The following GLIS3 variants were observed in gnomAD, a reference collection of about 807,000 sequenced individuals.
GLIS3 encodes the protein zinc finger protein GLIS3.
GLIS3 carries 53 observed loss-of-function variants against 78.6 expected under a neutral mutation model. That is an observed-to-expected ratio of 0.67 (90% CI 0.54 to 0.85). The LOEUF (loss-of-function observed/expected upper bound fraction) is 0.85. GLIS3 is among the 40% of genes least tolerant of loss of function. GLIS3 has a pLI of 0.00. For missense variants in GLIS3, 1,703 were observed against 1,231.1 expected (o/e 1.38, Z -5.74); for synonymous variants, 684 against 509.9 (o/e 1.34, Z -4.60).
rs1411887464 is a variant in GLIS3, at chr9:4,257,596, C to T, written c.388+28442G>A. Among the ~76,000 whole-genome samples, 12 of 35,838 alleles carry T rather than the reference C, an allele frequency of 3.3e-4. No homozygotes were observed. The East Asian group carries it at 0.013, about 38-fold the overall frequency. The allele number at this position is 35,838 out of a possible 152,430, so 23.5% of individuals were successfully genotyped here. The stretch of plus-strand genomic sequence containing the variant: ...TTGTTGTTGTTGTTATTTTTTGAGA[C>T]GGAGTCTCGCTCTGTCGCCCAGGTT... On this transcript the variant is annotated intron_variant, in intron 2 of 10. Coordinates refer to ENST00000381971, the MANE Select transcript of GLIS3 (RefSeq NM_001042413.2).
the GLIS3 span, among the ~76,000 whole-genome samples, chr9:4,372,146 G>A: frequency 6.6e-6 from 1 of 152,162 alleles, no homozygotes; most frequent in African/African-American, 2.4e-5. Context: ...GAGGCAGGAG[G>A]AATTAGTCTA....
chr9:3,954,671 TTTTTCC>T (rs1415696685), intron 4 of GLIS3, among the ~76,000 whole-genome samples: 1 of 152,184 alleles, frequency 6.6e-6, no homozygotes, highest in African/African-American at 2.4e-5. Flanking sequence ...CTCTCTCAGC[TTTTTCC>T]AATTAGGCCC....
the GLIS3 span, among the ~76,000 whole-genome samples, chr9:4,403,492 A>G: frequency 3.9e-5 from 6 of 152,210 alleles, no homozygotes; most frequent in Admixed American, 2.6e-4. Flanking sequence ...CTCAAAAATA[A>G]TAACTACAAC....
intron 2 of GLIS3, among the ~76,000 whole-genome samples, chr9:4,228,334 G>C (rs1821960914): frequency 2.0e-5 from 3 of 152,226 alleles, no homozygotes; most frequent in Admixed American, 2.0e-4. Flanking sequence ...GAGGAGTCGG[G>C]GCTGAGCCGG....
intron 4 of GLIS3, among the ~76,000 whole-genome samples, chr9:3,943,916 G>A (rs942417077): frequency 6.6e-6 from 1 of 152,162 alleles, no homozygotes; most frequent in Admixed American, 6.5e-5. Flanking sequence ...AGAGATTCAA[G>A]TTACTGTGTT....
the GLIS3 span, among the ~76,000 whole-genome samples, chr9:4,382,047 G>A: frequency 0.012 from 1,836 of 152,184 alleles, 38 homozygotes; most frequent in African/African-American, 0.042. Flanking sequence ...GCTGGTAGCC[G>A]CTCTCTACAG....
At chr9:4,020,179 C>A (rs558875279) in intron 4 of GLIS3, among the ~76,000 whole-genome samples, 107 of 152,216 alleles carry the variant, frequency 7.0e-4, no homozygotes, top group Non-Finnish European at 1.0e-3. Flanking sequence ...AGGGAACAGC[C>A]CATGCAAGGA....
chr9:4,246,185 C>T (rs994017164), intron 2 of GLIS3, among the ~76,000 whole-genome samples: 1 of 152,186 alleles, frequency 6.6e-6, no homozygotes, highest in Non-Finnish European at 1.5e-5. Flanking sequence ...ATGATGAAAC[C>T]CTGTCTCTAC....
intron 9 of GLIS3, among the ~76,000 whole-genome samples, chr9:3,853,657 G>A (rs4741860): frequency 0.42 from 63,142 of 152,004 alleles, 13,633 homozygotes; most frequent in South Asian, 0.47. Flanking sequence ...TCCATGATTT[G>A]CCCAGAGTCA....
At chr9:4,108,448 T>G (rs1040015479) in intron 4 of GLIS3, among the ~76,000 whole-genome samples, 2 of 152,154 alleles carry the variant, frequency 1.3e-5, no homozygotes, top group African/African-American at 4.8e-5. Flanking sequence ...ACAAATGAGA[T>G]GAAAGACAGA....
intron 2 of GLIS3, among the ~76,000 whole-genome samples, chr9:4,332,582 G>A (rs1817701931): frequency 6.6e-6 from 1 of 152,216 alleles, no homozygotes; most frequent in African/African-American, 2.4e-5. Context: ...AGACAGCAGA[G>A]CAGACCAGCC....
At chr9:4,487,425 T>C in the GLIS3 span, among the ~76,000 whole-genome samples, 28 of 152,248 alleles carry the variant, frequency 1.8e-4, 1 homozygote, top group African/African-American at 6.5e-4. Context: ...AATGCCCCCA[T>C]TTTACAGATG....
chr9:4,191,151 T>C (rs1818298931), intron 2 of GLIS3, among the ~76,000 whole-genome samples: 1 of 148,974 alleles, frequency 6.7e-6, no homozygotes, highest in African/African-American at 2.4e-5. Context: ...CCAGCTAACA[T>C]CATAATGACA....
chr9:4,125,590 C>G (rs555207486), intron 3 of GLIS3, 144 bp downstream of exon 3: 171 of 729,064 alleles, frequency 2.3e-4, no homozygotes, highest in Non-Finnish European at 3.7e-4. Flanking sequence ...TATTCCCCTA[C>G]AAACCTCAAA....
rs1288926545 is a variant in GLIS3 at position 4,324,492 on chromosome 9, TATAAGAGACAATAC to T, written n.265-13978_265-13965del. Among the ~76,000 whole-genome samples, 7 of 152,362 alleles carry T rather than the reference TATAAGAGACAATAC, an allele frequency of 4.6e-5. No individual in the cohort carries two copies. In the South Asian group the frequency reaches 1.0e-3, roughly 23 times the overall value. On this transcript the variant is annotated intron_variant and non_coding_transcript_variant, in intron 2 of 4. Transcript: ENST00000471664. Reference sequence around the variant, plus strand: ...AACAGGTGAAAAGTTCTTTGTCAACTATAAGAGACAATACACATTAGTTACATTATGGTAGTTAT... The same window carrying T: ...AACAGGTGAAAAGTTCTTTGTCAACTACATTAGTTACATTATGGTAGTTAT...
chr9:4,206,732 G>A lies in GLIS3; in HGVS notation c.388+79306C>T, dbSNP rs139512777. 4.4e-3 allele frequency among the ~76,000 whole-genome samples: 665 copies of A among 152,268 alleles called. 4 individuals are homozygous for A. The highest frequency in any genetic ancestry group is 0.013 in the South Asian group (63 of 4,820). ...GTGAAAAATGCAGAATTGTGGTAAC[G>A]GTTTGAATGAAAATCTTTGATAGAT... On this transcript the variant is annotated intron_variant, in intron 2 of 10. Coordinates refer to ENST00000381971, the MANE Select transcript of GLIS3 (RefSeq NM_001042413.2).
chr9:4,316,639 G>C (rs1416130849), intron 2 of GLIS3, among the ~76,000 whole-genome samples: 1 of 152,178 alleles, frequency 6.6e-6, no homozygotes, highest in African/African-American at 2.4e-5. Context: ...GTCCCAGTGT[G>C]AGTAAGCGTA....
At chr9:3,831,574 C>T (rs1337761424) in intron 9 of GLIS3, among the ~76,000 whole-genome samples, 1 of 152,052 alleles carries the variant, frequency 6.6e-6, no homozygotes, top group South Asian at 2.1e-4. Context: ...TATCTAGAAC[C>T]CTAAAAGTGT....
chr9:4,337,141 G>A (rs760725368), intron 2 of GLIS3, among the ~76,000 whole-genome samples: 19 of 152,132 alleles, frequency 1.2e-4, no homozygotes, highest in African/African-American at 2.2e-4. Context: ...AACTTTTCCC[G>A]AAAGTAATTT....
Sources: allele counts gnomAD v4.1 joint callset (sites outside exome capture counted in the v4.1 genomes callset), GRCh38; gene constraint gnomAD v4.1.1; transcripts MANE v1.5; gene names NCBI Gene and HGNC (gene_info 2026-07-23, HGNC 2026-07-21).